The following TBC1D12 variants were observed in gnomAD, a reference collection of about 807,000 sequenced individuals.
The protein encoded by TBC1D12 is TBC1 domain family member 12, also known as TBC1 domain family, member 12.
TBC1D12 carries 56 observed loss-of-function variants against 86.7 expected under a neutral mutation model. The ratio of observed to expected loss-of-function variants is 0.65; its 90% CI spans 0.52 to 0.81. TBC1D12 has a LOEUF of 0.81. TBC1D12 is among the 30% of genes least tolerant of loss of function. The pLI, the probability that TBC1D12 is intolerant of heterozygous loss-of-function variation, is 0.00. For synonymous variants in TBC1D12, 421 were observed against 411.7 expected (o/e 1.02, Z -0.27); for missense variants, 1,023 against 1,038.8 (o/e 0.98, Z 0.21).
chr10:94,460,955 C>T (rs1440460848), intron 2 of TBC1D12, among the ~76,000 whole-genome samples: 3 of 152,124 alleles, frequency 2.0e-5, no homozygotes, highest in Non-Finnish European at 4.4e-5. Flanking sequence ...AATTTTTCAT[C>T]TCTTACATTA....
intron 7 of TBC1D12, 94 bp downstream of exon 7, chr10:94,507,441 CTTAT>C: frequency 9.2e-7 from 1 of 1,082,662 alleles, no homozygotes; most frequent in Non-Finnish European, 1.3e-6. Flanking sequence ...CATATATCAT[CTTAT>C]TTAATCTTAA....
intron 1 of TBC1D12, among the ~76,000 whole-genome samples, chr10:94,408,681 A>G (rs564619105): frequency 6.6e-6 from 1 of 152,184 alleles, no homozygotes. Flanking sequence ...TCTCTGTCCT[A>G]TAAGTCTCCC....
chr10:94,432,607 A>G (rs531492094), intron 1 of TBC1D12, among the ~76,000 whole-genome samples: 6 of 152,164 alleles, frequency 3.9e-5, no homozygotes, highest in African/African-American at 1.2e-4. Flanking sequence ...GTGGGCTCAT[A>G]TTTCTTTTAT....
At position 94,403,006 on chromosome 10, in the gene TBC1D12, A is replaced by G. The variant is rs1019423181; in HGVS notation, c.393A>G (p.Glu131=). The part of the protein sequence containing the change: ...EVADGRAPRH[E]GMTNGDSGFL... ...CTGATGGCCGCGCGCCGCGGCACGA[A>G]GGCATGACCAACGGCGACTCGGGTT... is the stretch of plus-strand genomic sequence containing the variant. Residue 131 remains glutamate, a synonymous_variant, in exon 1 of 13, where the codon GAA becomes GAG. Coordinates refer to ENST00000225235, the MANE Select transcript of TBC1D12 (RefSeq NM_015188.2). The G allele has an allele frequency of 3.8e-6, 6 of 1,575,174 alleles. No homozygotes were observed. Among genetic ancestry groups the G allele is most frequent in the Non-Finnish European group, 5.2e-6 (6 of 1,164,976 alleles).
intron 3 of TBC1D12, among the ~76,000 whole-genome samples, chr10:94,481,353 T>G (rs2056075945): frequency 6.6e-6 from 1 of 151,750 alleles, no homozygotes; most frequent in African/African-American, 2.4e-5. Flanking sequence ...TTGTCTACAT[T>G]GAAAATCTGT....
chr10:94,531,749 GTTATTTTATTTTATT>G (rs10664686), intron 12 of TBC1D12, among the ~76,000 whole-genome samples: 630 of 49,608 alleles, frequency 0.013, 26 homozygotes, highest in Non-Finnish European at 0.015. Context: ...GTTATTTTAT[GTTATTTTATTTTATT>G]TTATTTTATG....
chr10:94,519,959 A>T (rs1176551128), intron 9 of TBC1D12, among the ~76,000 whole-genome samples: 1 of 152,230 alleles, frequency 6.6e-6, no homozygotes, highest in Non-Finnish European at 1.5e-5. Flanking sequence ...ATTAATAAGG[A>T]CTTGGACATC....
intron 11 of TBC1D12, among the ~76,000 whole-genome samples, chr10:94,527,503 T>G (rs1357798597): frequency 6.6e-6 from 1 of 151,274 alleles, no homozygotes; most frequent in Non-Finnish European, 1.5e-5. Flanking sequence ...CTGTGGGGTT[T>G]TTTTTTTTAT....
intron 1 of TBC1D12, among the ~76,000 whole-genome samples, chr10:94,440,706 G>A (rs577717427): frequency 6.6e-6 from 1 of 152,248 alleles, no homozygotes; most frequent in South Asian, 2.1e-4. Flanking sequence ...CTTATGCAAA[G>A]GGTTTATATT....
chr10:94,424,506 A>G (rs898379255), intron 1 of TBC1D12, among the ~76,000 whole-genome samples: 2 of 152,190 alleles, frequency 1.3e-5, no homozygotes, highest in African/African-American at 2.4e-5. Context: ...CTATATTCCA[A>G]CGAAAGAAGG....
chr10:94,474,649 AT>A lies in TBC1D12; in HGVS notation c.1096-18del, dbSNP rs1388704744. 1 of 1,579,996 alleles carries A rather than the reference AT, an allele frequency of 6.3e-7. No individual in the cohort carries two copies. Among genetic ancestry groups the A allele is most frequent in the Non-Finnish European group, 8.7e-7 (1 of 1,149,322 alleles). ...TGTTGGAGCAGTTTCTGCATAAGGT[AT>A]GTTTTAATTTACTCTAGGAATATGA... On this transcript the variant is annotated intron_variant, in intron 2 of 12. Transcript: ENST00000225235.
chr10:94,506,854 G>A (rs148735278), intron 6 of TBC1D12, among the ~76,000 whole-genome samples: 89 of 152,284 alleles, frequency 5.8e-4, no homozygotes, highest in South Asian at 2.1e-3. Flanking sequence ...ATGAGTAGGT[G>A]TTGTTTTTCT....
At chr10:94,453,869 C>CCTAT (rs1378915590) in intron 2 of TBC1D12, among the ~76,000 whole-genome samples, 3 of 152,022 alleles carry the variant, frequency 2.0e-5, no homozygotes, top group Admixed American at 2.0e-4. Flanking sequence ...TGTTGAAAAG[C>CCTAT]CTATCTTTGC....
intron 2 of TBC1D12, among the ~76,000 whole-genome samples, chr10:94,453,377 T>G (rs956877618): frequency 6.6e-6 from 1 of 152,096 alleles, no homozygotes; most frequent in African/African-American, 2.4e-5. Flanking sequence ...TAAAAATATT[T>G]TGTGTGCATG....
intron 1 of TBC1D12, among the ~76,000 whole-genome samples, chr10:94,405,329 A>G (rs904312312): frequency 5.3e-5 from 8 of 152,252 alleles, no homozygotes; most frequent in Admixed American, 5.2e-4. Flanking sequence ...ATTATAATTG[A>G]TATTTCTTAT....
In TBC1D12 at chr10:94,407,054, T is replaced by TAAAA. The variant is rs35370498; in HGVS notation, c.971+3477_971+3480dup. The stretch of plus-strand genomic sequence containing the variant: ...AGGCAAAAATCTATACGAGAAACCT[T>TAAAA]AAAAAAAAAACAGTTTTATGTTTAC... On this transcript the variant is annotated intron_variant, in intron 1 of 12. Coordinates refer to ENST00000225235, the MANE Select transcript of TBC1D12 (RefSeq NM_015188.2). 9.7e-4 allele frequency among the ~76,000 whole-genome samples: 145 copies of TAAAA among 148,982 alleles called. 1 individual carries two copies. The highest frequency in any genetic ancestry group is 3.5e-3 in the African/African-American group (142 of 40,814).
At chr10:94,507,421 A>C in intron 7 of TBC1D12, 74 bp downstream of exon 7, 1 of 1,295,614 alleles carries the variant, frequency 7.7e-7, no homozygotes, top group East Asian at 2.4e-5. Context: ...AAGCTGTAGT[A>C]ATCGCTTTAC....
intron 2 of TBC1D12, 80 bp downstream of exon 2, chr10:94,442,099 TA>T (rs2055392310): frequency 1.2e-5 from 9 of 745,958 alleles, no homozygotes; most frequent in Non-Finnish European, 1.8e-5. Flanking sequence ...TTTTTTTTTT[TA>T]AACTAACCAT....
Position 94,402,717 on chromosome 10 carries a change from C to G in TBC1D12, c.104C>G (p.Ala35Gly), listed in dbSNP as rs781343383. 1.3e-6 allele frequency: 2 copies of G among 1,578,144 alleles called. No individual in the cohort carries two copies. Among genetic ancestry groups the G allele is most frequent in the Non-Finnish European group, 1.7e-6 (2 of 1,161,804 alleles). The change falls in exon 1 of 13, where the codon GCC (alanine) becomes GGC (glycine). Residue 35 changes from alanine to glycine, a missense_variant. Ala to Gly is a moderately conservative substitution (Grantham distance 60). Coordinates refer to ENST00000225235, the MANE Select transcript of TBC1D12 (RefSeq NM_015188.2). ...GGCCAGGACAGGAAGGTAATCCGGG[C>G]CACGGGCGGCTTTGGCGGAGGCGTC... is the stretch of plus-strand genomic sequence containing the variant. ...PVGQDRKVIR[A>G]TGGFGGGVGA...
Sources: gnomAD v4.1 joint callset for allele counts (sites outside exome capture counted in the v4.1 genomes callset) on GRCh38, gnomAD v4.1.1 for gene constraint, MANE v1.5 for transcripts, NCBI Gene and HGNC (gene_info 2026-07-23, HGNC 2026-07-21) for gene names.